Variants in RNPEPL1 observed in about 807,000 individuals in gnomAD.
RNPEPL1 encodes the protein arginyl aminopeptidase like 1.
RNPEPL1 carries 46 observed loss-of-function variants against 69.0 expected under a neutral mutation model. The ratio of observed to expected loss-of-function variants is 0.67; its 90% CI spans 0.53 to 0.85. The LOEUF (loss-of-function observed/expected upper bound fraction) is 0.85. RNPEPL1 is among the 40% of genes least tolerant of loss of function. The pLI is 0.00. For synonymous variants in RNPEPL1, 525 were observed against 454.1 expected (o/e 1.16, Z -1.98); for missense variants, 869 against 992.5 (o/e 0.88, Z 1.67).
chr2:240,568,865 CCCCG>C lies in RNPEPL1; in HGVS notation c.282_285del (p.Ala95ProfsTer89). ...TGCACTCAGCCGCCTTCCGTCGCGC[CCCCG>C]CCGCCGCCGCCGAGACGCCCTGCGC... On this transcript the variant is annotated frameshift_variant, in exon 1 of 11. Transcript: ENST00000270357. LOFTEE classifies it high-confidence loss of function. This position sits in a 1 kb window ranked among gnomAD's most constrained non-coding sequence, Gnocchi z 6.2. 8.3e-7 allele frequency: 1 copy of C among 1,209,586 alleles called. No homozygotes were observed. Among genetic ancestry groups the C allele is most frequent in the Admixed American group, 3.8e-5 (1 of 26,454 alleles). 74.9% of individuals were successfully genotyped at this position (1,209,586 alleles called of 1,614,324 possible).
At chr2:240,573,678 G>A (rs984136408) in intron 3 of RNPEPL1, 97 bp from the exon 4 acceptor site, 12 of 1,051,364 alleles carry the variant, frequency 1.1e-5, no homozygotes, top group Non-Finnish European at 1.6e-5. Context: ...TGGGTGAGGT[G>A]TGGGTGTTAC....
At chr2:240,573,585 C>T (rs1050755974) in intron 3 of RNPEPL1, among the ~76,000 whole-genome samples, 190 bp from the exon 4 acceptor site, 2 of 152,228 alleles carry the variant, frequency 1.3e-5, no homozygotes, top group African/African-American at 4.8e-5. Context: ...TGGAATGCAG[C>T]TCTGCCCTGC....
intron 1 of RNPEPL1, among the ~76,000 whole-genome samples, chr2:240,570,380 G>A (rs1438070774): frequency 6.6e-6 from 1 of 152,230 alleles, no homozygotes; most frequent in Non-Finnish European, 1.5e-5. Flanking sequence ...GTCAGGGTTG[G>A]CAGGCTGTGG....
Position 240,573,766 on chromosome 2 carries a change from A to G in RNPEPL1, c.822-9A>G, listed in dbSNP as rs894173487. The G allele has an allele frequency of 1.3e-6, 2 of 1,527,832 alleles. No homozygotes were observed. Among genetic ancestry groups the G allele is most frequent in the East Asian group, 2.5e-5 (1 of 40,616 alleles). 94.6% of individuals were successfully genotyped at this position (1,527,832 alleles called of 1,614,324 possible). ...CTCGGCCTCAGCTCACCCTCTCTGC[A>G]TGCACCAGGAGCCGCGTGTGGGCCG... On this transcript the variant is annotated splice_polypyrimidine_tract_variant and intron_variant, in intron 3 of 10. Transcript: ENST00000270357.
At position 240,579,758 on chromosome 2, in the gene RNPEPL1, G is replaced by A. The variant is rs1283500649; in HGVS notation, c.*1866G>A. The A allele has an allele frequency of 1.3e-5, 2 of 152,338 alleles. No individual in the cohort carries two copies. The highest frequency in any genetic ancestry group is 3.9e-4 in the East Asian group (2 of 5,176). The allele number at this position is 152,338 out of a possible 1,614,324, so 9.4% of individuals were successfully genotyped here. On this transcript the variant is annotated 3_prime_UTR_variant, in exon 11 of 11. Coordinates refer to ENST00000270357, the MANE Select transcript of RNPEPL1 (RefSeq NM_018226.6). ...CATGCTTGATGGTGTCCTCAAAGGA[G>A]CCCTGCTCAGTGGCAGAACTGCTTT...
Position 240,577,673 on chromosome 2 carries a change from C to G in RNPEPL1, c.1959C>G (p.Val653=), listed in dbSNP as rs895013792. 1.2e-6 allele frequency: 2 copies of G among 1,612,816 alleles called. No homozygotes were observed. Among genetic ancestry groups the G allele is most frequent in the Non-Finnish European group, 8.5e-7 (1 of 1,179,662 alleles). The part of the protein sequence containing the change: ...TGALKSFALE[V]FYQTQGRLHP... Reference sequence around the variant, plus strand: ...CCCTCAAGTCCTTCGCGCTGGAGGTCTTCTACCAGACGCAGGGCCGGCTGC... The same window carrying G: ...CCCTCAAGTCCTTCGCGCTGGAGGTGTTCTACCAGACGCAGGGCCGGCTGC... Residue 653 remains valine, a synonymous_variant, in exon 11 of 11, where the codon GTC becomes GTG. Coordinates refer to ENST00000270357, the MANE Select transcript of RNPEPL1 (RefSeq NM_018226.6).
In RNPEPL1 at chr2:240,578,353, G is replaced by GGGTTGGCAGCCTCAGTTGGCCCCCTA. The variant is rs2093044014; in HGVS notation, c.*463_*464insTTGGCAGCCTCAGTTGGCCCCCTAGG. 6.5e-6 allele frequency: 1 copy of GGGTTGGCAGCCTCAGTTGGCCCCCTA among 154,612 alleles called. No individual in the cohort carries two copies. Among genetic ancestry groups the GGGTTGGCAGCCTCAGTTGGCCCCCTA allele is most frequent in the African/African-American group, 2.4e-5 (1 of 41,522 alleles). The allele number at this position is 154,612 out of a possible 1,614,324, so 9.6% of individuals were successfully genotyped here. A position where few individuals can be genotyped will look rare whatever the true frequency, so the allele number is the denominator to read the frequency against. On this transcript the variant is annotated 3_prime_UTR_variant, in exon 11 of 11. Transcript: ENST00000270357. ...CCGCACAGCCCTGCACCCCGCCCCT[G>GGGTTGGCAGCCTCAGTTGGCCCCCTA]GGGTTGGCAGCCTCAGTTGGCCCCT... is the stretch of plus-strand genomic sequence containing the variant.
At position 240,568,964 on chromosome 2, in the gene RNPEPL1, C is replaced by G. The variant is rs963246918; in HGVS notation, c.378C>G (p.Pro126=). ...CGCTGCCCGCCTTCCCCGAGGCGCC[C>G]GGCTCCGAGCCCGCCTGCTGTCCGC... is the stretch of plus-strand genomic sequence containing the variant. ...PPPLPAFPEA[P]GSEPACCPLA... Residue 126 remains proline (P), a synonymous_variant, in exon 1 of 11, where the codon CCC becomes CCG. Transcript: ENST00000270357. This position sits in a 1 kb window ranked among gnomAD's most constrained non-coding sequence, Gnocchi z 6.2. 3.7e-5 allele frequency: 54 copies of G among 1,440,256 alleles called. No homozygotes were observed. Among genetic ancestry groups the G allele is most frequent in the Middle Eastern group, 2.5e-4 (1 of 4,062 alleles). 89.2% of individuals were successfully genotyped at this position (1,440,256 alleles called of 1,614,324 possible).
intron 10 of RNPEPL1, 38 bp from the exon 11 acceptor site, chr2:240,577,561 G>A (rs1307954707): frequency 6.6e-7 from 1 of 1,522,782 alleles, no homozygotes; most frequent in Admixed American, 2.0e-5. Flanking sequence ...CGAGGGGCCT[G>A]GGGAGCCCAC....
Position 240,575,497 on chromosome 2 carries a change from C to G in RNPEPL1, c.1402-5C>G. The G allele has an allele frequency of 1.2e-6, 2 of 1,612,220 alleles. No homozygotes were observed. The highest frequency in any genetic ancestry group is 1.7e-6 in the Non-Finnish European group (2 of 1,178,976). ...GCCTGCTGAGGCCCCACCTCTGCCA[C>G]ACAGGCCTATGTGGAGAAGTACAAG... On this transcript the variant is annotated splice_region_variant and splice_polypyrimidine_tract_variant and intron_variant, in intron 7 of 10. Transcript: ENST00000270357.
chr2:240,579,474 G>A lies in RNPEPL1; in HGVS notation c.*1582G>A, dbSNP rs888926659. 1 of 152,262 alleles carries A rather than the reference G, an allele frequency of 6.6e-6. No individual in the cohort carries two copies. The highest frequency in any genetic ancestry group is 1.5e-5 in the Non-Finnish European group (1 of 68,106). 9.4% of individuals were successfully genotyped at this position (152,262 alleles called of 1,614,324 possible). On this transcript the variant is annotated 3_prime_UTR_variant, in exon 11 of 11. Coordinates refer to ENST00000270357, the MANE Select transcript of RNPEPL1 (RefSeq NM_018226.6). Reference sequence around the variant, plus strand: ...TACCTTCTTCACATCAGGTCTGGGGGAGGCGCCACCCCATCCAGAGACCTA... The same window carrying A: ...TACCTTCTTCACATCAGGTCTGGGGAAGGCGCCACCCCATCCAGAGACCTA...
chr2:240,574,065 G>A, intron 4 of RNPEPL1, 48 bp from the exon 5 acceptor site: 1 of 1,548,792 alleles, frequency 6.5e-7, no homozygotes, highest in Non-Finnish European at 8.9e-7. Flanking sequence ...GTGCAGGGTG[G>A]GAGTCTGAGC....
At position 240,579,300 on chromosome 2, in the gene RNPEPL1, C is replaced by A. The variant is rs985993254; in HGVS notation, c.*1408C>A. On this transcript the variant is annotated 3_prime_UTR_variant, in exon 11 of 11. Transcript: ENST00000270357. ...AACCCTGATACCATCACTGTCCAGT[C>A]CCCAGTCACCAAATGTCCCACTCAC... 6.6e-6 allele frequency: 1 copy of A among 152,276 alleles called. No homozygotes were observed. Among genetic ancestry groups the A allele is most frequent in the African/African-American group, 2.4e-5 (1 of 41,402 alleles). The allele number at this position is 152,276 out of a possible 1,614,324, so 9.4% of individuals were successfully genotyped here.
At chr2:240,576,324 T>G (rs1364699752) in intron 8 of RNPEPL1, 12 of 593,828 alleles carry the variant, frequency 2.0e-5, no homozygotes, top group Non-Finnish European at 3.6e-5. Context: ...AACCCAAGTC[T>G]CTGCTTCCCT....
intron 3 of RNPEPL1, 128 bp downstream of exon 3, chr2:240,573,389 GC>G (rs1442720967): frequency 3.1e-6 from 3 of 975,614 alleles, no homozygotes; most frequent in Non-Finnish European, 4.3e-6. Flanking sequence ...CTCTGGGCCA[GC>G]CCTGCCCCTG....
intron 7 of RNPEPL1, 71 bp downstream of exon 7, chr2:240,575,213 C>CCGCAAGAGCAGG: frequency 8.1e-7 from 1 of 1,229,626 alleles, no homozygotes; most frequent in Non-Finnish European, 1.2e-6. Context: ...CACAGGGCTG[C>CCGCAAGAGCAGG]CTGCTCTTGC....
rs1420827525 is a variant in RNPEPL1, at chr2:240,577,614, A to C, written c.1900A>C (p.Thr634Pro). The change falls in exon 11 of 11, where the codon ACC becomes CCC. Residue 634 changes from threonine to proline, a missense_variant. Transcript: ENST00000270357. ...CCTCCTGCAGATGTCACGCATGTAC[A>C]CCATCCCGCTGTACGAGGACCTCTG... Reference protein sequence around the residue: ...FLESQMSRMYTIPLYEDLCTG... With the variant: ...FLESQMSRMYPIPLYEDLCTG... 3.8e-6 allele frequency: 6 copies of C among 1,588,022 alleles called. No homozygotes were observed. Among genetic ancestry groups the C allele is most frequent in the Non-Finnish European group, 5.2e-6 (6 of 1,162,080 alleles).
intron 6 of RNPEPL1, 140 bp from the exon 7 acceptor site, chr2:240,574,890 G>T (rs1431561732): frequency 1.4e-6 from 1 of 738,076 alleles, no homozygotes; most frequent in Non-Finnish European, 2.4e-6. Flanking sequence ...GCACGCCCAG[G>T]GCATCAGTAC....
chr2:240,569,270 T>G, intron 1 of RNPEPL1, 156 bp downstream of exon 1: 8 of 784,572 alleles, frequency 1.0e-5, no homozygotes, highest in East Asian at 3.8e-5. Context: ...TGTGAGCCCT[T>G]AGGACCCTCG....
Sources: gnomAD v4.1 joint callset for allele counts (sites outside exome capture counted in the v4.1 genomes callset) on GRCh38, gnomAD v4.1.1 for gene constraint, Gnocchi (gnomAD v3.1) non-coding constraint, MANE v1.5 for transcripts, NCBI Gene and HGNC (gene_info 2026-07-23, HGNC 2026-07-21) for gene names.